The following NETO1 variants were observed in gnomAD, a reference collection of about 807,000 sequenced individuals.
The protein encoded by NETO1 is neuropilin and tolloid-like protein 1.
NETO1 carries 26 observed loss-of-function variants against 61.3 expected under a neutral mutation model. The ratio of observed to expected loss-of-function variants is 0.42; its 90% CI spans 0.31 to 0.59. The LOEUF is 0.59. NETO1 is among the 20% of genes least tolerant of loss of function. NETO1 has a pLI of 0.12. For synonymous variants in NETO1, 225 were observed against 225.8 expected, an observed-to-expected ratio of 1.00 and a Z score of 0.03; for missense variants, 531 against 662.8, an observed-to-expected ratio of 0.80 and a Z score of 2.18.
At chr18:72,808,493 G>A (rs1049695501) in intron 4 of NETO1, among the ~76,000 whole-genome samples, 9 of 148,974 alleles carry the variant, frequency 6.0e-5, no homozygotes, top group African/African-American at 9.8e-5. Context: ...TTAATCTCAC[G>A]TTGTCCTCTT....
intron 7 of NETO1, among the ~76,000 whole-genome samples, chr18:72,756,450 A>G (rs1454758672): frequency 1.3e-5 from 2 of 152,146 alleles, no homozygotes; most frequent in Non-Finnish European, 2.9e-5. Context: ...GCAAACCTGA[A>G]GCATCTACCA....
chr18:72,819,803 G>T (rs1159735019), intron 4 of NETO1, among the ~76,000 whole-genome samples: 1 of 151,864 alleles, frequency 6.6e-6, no homozygotes, highest in Admixed American at 6.6e-5. Flanking sequence ...TACCAAAAGT[G>T]AAAAAATATA....
At chr18:72,753,712 C>T (rs1402129185) in intron 8 of NETO1, among the ~76,000 whole-genome samples, 1 of 152,106 alleles carries the variant, frequency 6.6e-6, no homozygotes, top group East Asian at 1.9e-4. Flanking sequence ...CTTCACTTAA[C>T]TCTTTTAAAA....
intron 8 of NETO1, 86 bp from the exon 9 acceptor site, chr18:72,750,706 T>C (rs755535962): frequency 1.1e-6 from 1 of 939,772 alleles, no homozygotes; most frequent in East Asian, 2.7e-5. Flanking sequence ...AAATGTGTAT[T>C]AAAAACTTAA....
At chr18:72,828,030 C>A (rs544517602) in intron 4 of NETO1, among the ~76,000 whole-genome samples, 1 of 152,250 alleles carries the variant, frequency 6.6e-6, no homozygotes, top group South Asian at 2.1e-4. Context: ...ATTAAAAATG[C>A]AGCCAGGCGT....
chr18:72,745,587 C>T lies in NETO1; in HGVS notation c.*2592G>A, dbSNP rs1348752334. On this transcript the variant is annotated 3_prime_UTR_variant, in exon 11 of 11. Transcript: ENST00000327305. The stretch of plus-strand genomic sequence containing the variant: ...ATGTCTTATAAGTCTTGAGACATCT[C>T]ATTCCTTATCTATGTGTGTCACCAC... The T allele has an allele frequency of 6.6e-6, 1 of 152,172 alleles. No homozygotes were observed. The highest frequency in any genetic ancestry group is 2.4e-5 in the African/African-American group (1 of 41,440). The allele number at this position is 152,172 out of a possible 1,614,324, so 9.4% of individuals were successfully genotyped here.
In NETO1 at chr18:72,744,641, T is replaced by C. The variant is rs573080586; in HGVS notation, c.*3538A>G. 1 of 152,292 alleles carries C rather than the reference T, an allele frequency of 6.6e-6. No homozygotes were observed. Among genetic ancestry groups the C allele is most frequent in the East Asian group, 1.9e-4 (1 of 5,184 alleles). The allele number at this position is 152,292 out of a possible 1,614,324, so 9.4% of individuals were successfully genotyped here. A position where few individuals can be genotyped will look rare whatever the true frequency, so the allele number is the denominator to read the frequency against. ...ACCCTAACTCACTTTTCAAAGCATA[T>C]TTATTTAGAATTCAAAGAATTTTAA... On this transcript the variant is annotated 3_prime_UTR_variant, in exon 11 of 11. Coordinates refer to ENST00000327305, the MANE Select transcript of NETO1 (RefSeq NM_138966.5).
chr18:72,858,831 G>C lies in NETO1; in HGVS notation c.464C>G (p.Thr155Arg), dbSNP rs1446608192. The change falls in exon 4 of 11, where the codon ACA (threonine) becomes AGA (arginine). Residue 155 changes from threonine (T) to arginine (R), a missense_variant. Thr to Arg is a moderately conservative substitution (Grantham distance 71). Coordinates refer to ENST00000327305, the MANE Select transcript of NETO1 (RefSeq NM_138966.5). ...SMGFSARYNF[T>R]PDPDFKDLGA... ...TTTTTTAAGTACTTACTTACCAGGT[G>C]TGAAATTGTATCGAGCTGAAAATCC... The C allele has an allele frequency of 6.2e-7, 1 of 1,607,472 alleles. No homozygotes were observed. The highest frequency in any genetic ancestry group is 8.5e-7 in the Non-Finnish European group (1 of 1,177,818).
intron 7 of NETO1, among the ~76,000 whole-genome samples, 160 bp downstream of exon 7, chr18:72,783,518 A>G (rs781719127): frequency 1.1e-4 from 17 of 152,210 alleles, no homozygotes; most frequent in Non-Finnish European, 2.4e-4. Flanking sequence ...CTTTCCTGTC[A>G]TGGATCAAAA....
intron 4 of NETO1, among the ~76,000 whole-genome samples, chr18:72,811,537 C>G (rs1366914047): frequency 4.6e-5 from 7 of 152,190 alleles, no homozygotes; most frequent in African/African-American, 1.7e-4. Context: ...GGTGGGGTGG[C>G]TCGTGCTTGT....
intron 7 of NETO1, among the ~76,000 whole-genome samples, chr18:72,774,088 T>C (rs8083429): frequency 0.3 from 45,655 of 152,026 alleles, 8,024 homozygotes; most frequent in South Asian, 0.48. Flanking sequence ...ATTTGTTTTT[T>C]CCTCTTCTAT....
At chr18:72,752,836 G>A (rs2070666918) in intron 8 of NETO1, among the ~76,000 whole-genome samples, 1 of 152,100 alleles carries the variant, frequency 6.6e-6, no homozygotes, top group South Asian at 2.1e-4. Context: ...AAAATGTAAA[G>A]TCTAGAATTG....
chr18:72,809,330 A>C (rs1035805787), intron 4 of NETO1, among the ~76,000 whole-genome samples: 5 of 152,186 alleles, frequency 3.3e-5, no homozygotes, highest in African/African-American at 1.2e-4. Context: ...TCAAATACTT[A>C]ATTTCTTAAA....
At chr18:72,807,890 T>G (rs2072731797) in intron 4 of NETO1, among the ~76,000 whole-genome samples, 1 of 152,184 alleles carries the variant, frequency 6.6e-6, no homozygotes, top group Non-Finnish European at 1.5e-5. Flanking sequence ...CGCTCTTGAT[T>G]GGTTATTAGC....
At chr18:72,787,778 G>A (rs970326102) in intron 6 of NETO1, among the ~76,000 whole-genome samples, 6 of 152,034 alleles carry the variant, frequency 3.9e-5, no homozygotes, top group South Asian at 2.1e-4. Flanking sequence ...CCTAACACCC[G>A]GATACTCATC....
At chr18:72,785,328 C>T (rs538450193) in intron 6 of NETO1, among the ~76,000 whole-genome samples, 20 of 152,276 alleles carry the variant, frequency 1.3e-4, no homozygotes, top group Admixed American at 1.2e-3. Flanking sequence ...CCTCCATGTT[C>T]GTACTCAACA....
Position 72,821,340 on chromosome 18 carries a change from C to T in NETO1, c.470-26936G>A, listed in dbSNP as rs144669808. ...GGCGGATCACCTGAGGTCGGGAGTT[C>T]GAGACCAGCCTGACCAACACGGAGA... On this transcript the variant is annotated intron_variant, in intron 4 of 10. Transcript: ENST00000327305. Among the ~76,000 whole-genome samples, 12 of 149,350 alleles carry T rather than the reference C, an allele frequency of 8.0e-5. No homozygotes were observed. In the East Asian group the frequency reaches 2.0e-3, roughly 25 times the overall value.
intron 7 of NETO1, among the ~76,000 whole-genome samples, chr18:72,772,787 A>C (rs1460580447): frequency 1.7e-5 from 2 of 114,386 alleles, no homozygotes; most frequent in African/African-American, 3.1e-5. Flanking sequence ...ACAGATCTCT[A>C]TATAGTTCTC....
chr18:72,820,563 C>T (rs998925608), intron 4 of NETO1, among the ~76,000 whole-genome samples: 21 of 152,232 alleles, frequency 1.4e-4, no homozygotes, highest in African/African-American at 4.8e-4. Flanking sequence ...AAGGTATCAC[C>T]TTGACTGGGC....
Sources: allele counts gnomAD v4.1 joint callset (sites outside exome capture counted in the v4.1 genomes callset), GRCh38; gene constraint gnomAD v4.1.1; transcripts MANE v1.5; gene names NCBI Gene and HGNC (gene_info 2026-07-23, HGNC 2026-07-21).